Variants in PTGS2 observed in about 807,000 individuals in gnomAD.
PTGS2 encodes the protein prostaglandin-endoperoxide synthase 2, also known as prostaglandin G/H synthase 2.
A neutral mutation model predicts 63.8 loss-of-function variants in PTGS2; 14 were observed. That is an observed-to-expected ratio of 0.22 (90% CI 0.14 to 0.34). The LOEUF (loss-of-function observed/expected upper bound fraction) is 0.34. Among genes scored for constraint, PTGS2 ranks in the 10% least tolerant of loss-of-function variants. PTGS2 has a pLI of 1.00. For synonymous variants in PTGS2, 271 were observed against 259.5 expected (o/e 1.04, Z -0.43); for missense variants, 533 against 738.5 (o/e 0.72, Z 3.23).
Position 186,674,624 on chromosome 1 carries a change from A to T in PTGS2, c.1544T>A (p.Phe515Tyr). ...ATTACCCATAAGTCCTTTCAAGGAG[A>T]ATGGTGCTCCAACTTCTACCATGGT... ...GETMVEVGAP[F>Y]SLKGLMGNVI... is the part of the protein sequence containing the mutation. Residue 515 changes from phenylalanine to tyrosine, a missense_variant, in exon 10 of 10, where the codon TTC becomes TAC. Around this residue, in one of 5 missense-constraint regions of PTGS2, gnomAD observed 219 missense variants for 267.4 expected, o/e 0.82. Coordinates refer to ENST00000367468, the MANE Select transcript of PTGS2 (RefSeq NM_000963.4). 6.2e-7 allele frequency: 1 copy of T among 1,614,186 alleles called. No individual in the cohort carries two copies. Among genetic ancestry groups the T allele is most frequent in the Non-Finnish European group, 8.5e-7 (1 of 1,180,030 alleles).
chr1:186,676,199 T>C lies in PTGS2; in HGVS notation c.971-15A>G. 2.5e-6 allele frequency: 4 copies of C among 1,570,648 alleles called. No homozygotes were observed. The highest frequency in any genetic ancestry group is 1.2e-5 in the South Asian group (1 of 85,268). On this transcript the variant is annotated splice_polypyrimidine_tract_variant and intron_variant, in intron 7 of 9. Coordinates refer to ENST00000367468, the MANE Select transcript of PTGS2 (RefSeq NM_000963.4). The stretch of plus-strand genomic sequence containing the variant: ...AATAGTCTCTCCTATTTGCACAAAA[T>C]AAATAATAAAAACATTTATTGCATC...
rs1431028196 is a variant in PTGS2, at chr1:186,673,767, C to G, written c.*586G>C. 1 of 152,146 alleles carries G rather than the reference C, an allele frequency of 6.6e-6. No homozygotes were observed. The highest frequency in any genetic ancestry group is 1.5e-5 in the Non-Finnish European group (1 of 67,992). The allele number at this position is 152,146 out of a possible 1,614,324, so 9.4% of individuals were successfully genotyped here. On this transcript the variant is annotated 3_prime_UTR_variant, in exon 10 of 10. Coordinates refer to ENST00000367468, the MANE Select transcript of PTGS2 (RefSeq NM_000963.4). Reference sequence around the variant, plus strand: ...AGTTTAATAACTTTAAGAAATCAAACAAGCTTTTACAGGTGATTCTACCCT... The same window carrying G: ...AGTTTAATAACTTTAAGAAATCAAAGAAGCTTTTACAGGTGATTCTACCCT...
chr1:186,677,232 C>T (rs1489478451), intron 5 of PTGS2, among the ~76,000 whole-genome samples: 7 of 152,008 alleles, frequency 4.6e-5, no homozygotes, highest in African/African-American at 1.4e-4. Context: ...AAAATTCTTA[C>T]GAATAACTTG....
At position 186,677,652 on chromosome 1, in the gene PTGS2, A is replaced by G. The variant is rs140664948; in HGVS notation, c.636T>C (p.His212=). 1.7e-4 allele frequency: 279 copies of G among 1,607,636 alleles called. 1 individual carries two copies. The East Asian group carries it at 5.4e-3, about 31-fold the overall frequency. Residue 212 remains histidine, a synonymous_variant, in exon 5 of 10, where the codon CAT becomes CAC. Coordinates refer to ENST00000367468, the MANE Select transcript of PTGS2 (RefSeq NM_000963.4). ...TAAGATATTAACTCTATCTTACCCC[A>G]TGGCCCAGCCCGTTGGTGAAAGCTG... ...RGPAFTNGLG[H]GVDLNHIYGE...
rs201730487 is a variant in PTGS2, at chr1:186,674,487, A to T, written c.1681T>A (p.Cys561Ser). The T allele has an allele frequency of 1.9e-6, 3 of 1,614,236 alleles. No individual in the cohort carries two copies. The change falls in exon 10 of 10, where the codon TGT becomes AGT. Residue 561 changes from cysteine (C) to serine (S), a missense_variant. Transcript: ENST00000367468. ...GGAACACTGAATGAAGTAAAGGGAC[A>T]GCCCTTCACGTTATTGCAGATGAGA... ...QSLICNNVKG[C>S]PFTSFSVPDP...
At position 186,674,799 on chromosome 1, in the gene PTGS2, C is replaced by A; in HGVS notation, c.1406-37G>T. On this transcript the variant is annotated intron_variant, in intron 9 of 9. Coordinates refer to ENST00000367468, the MANE Select transcript of PTGS2 (RefSeq NM_000963.4). ...ATGAAGACAGAGATACAACCAATGT[C>A]AAACTTCACAAAATAAAAAACAGTT... The A allele has an allele frequency of 2.0e-6, 3 of 1,536,486 alleles. No homozygotes were observed. The South Asian group carries it at 3.8e-5, about 19-fold the overall frequency.
Position 186,676,941 on chromosome 1 carries a change from A to T in PTGS2, c.640-25T>A, listed in dbSNP as rs778787385. ...CCTAGAAAATGATGAAAAAATTTTA[A>T]TTTGTTGCTGTTGAAGTTTTTCTTA... On this transcript the variant is annotated intron_variant, in intron 5 of 9. Coordinates refer to ENST00000367468, the MANE Select transcript of PTGS2 (RefSeq NM_000963.4). 4 of 1,571,474 alleles carry T rather than the reference A, an allele frequency of 2.5e-6. No individual in the cohort carries two copies. In the Admixed American group the frequency reaches 6.9e-5, roughly 27 times the overall value.
In PTGS2 at chr1:186,675,975, T is replaced by C. The variant is rs1456144285; in HGVS notation, c.1180A>G (p.Ile394Val). Residue 394 changes from isoleucine to valine, a missense_variant, in exon 8 of 10, where the codon ATC becomes GTC. Ile to Val is a conservative substitution (Grantham distance 29, BLOSUM62 3). Transcript: ENST00000367468. ...HDQKYNYQQF[I>V]YNNSILLEHG... ...TCCAGCAATATAGAGTTGTTGTAGATAAACTGTTGATAGTTGTATTTCTGG... is the reference window on the plus strand; with the variant it reads ...TCCAGCAATATAGAGTTGTTGTAGACAAACTGTTGATAGTTGTATTTCTGG... 5.6e-6 allele frequency: 9 copies of C among 1,613,938 alleles called. No individual in the cohort carries two copies. The highest frequency in any genetic ancestry group is 7.6e-6 in the Non-Finnish European group (9 of 1,179,936).
chr1:186,675,005 C>T (rs11567827), intron 9 of PTGS2, among the ~76,000 whole-genome samples: 2,108 of 152,230 alleles, frequency 0.014, 47 homozygotes, highest in African/African-American at 0.048. Flanking sequence ...GGTGAAACCC[C>T]GTCTATACTG....
At position 186,674,313 on chromosome 1, in the gene PTGS2, A is replaced by G. The variant is rs1665741165; in HGVS notation, c.*40T>C. 1 of 1,246,572 alleles carries G rather than the reference A, an allele frequency of 8.0e-7. No homozygotes were observed. The highest frequency in any genetic ancestry group is 1.1e-6 in the Non-Finnish European group (1 of 935,542). The allele number at this position is 1,246,572 out of a possible 1,614,324, so 77.2% of individuals were successfully genotyped here. On this transcript the variant is annotated 3_prime_UTR_variant, in exon 10 of 10. Coordinates refer to ENST00000367468, the MANE Select transcript of PTGS2 (RefSeq NM_000963.4). ...TATTATTAAATAATTAAATTAATAG[A>G]CATGGTTCATATAAATAAATAAATA...
chr1:186,677,534 T>TA (rs1226300918), intron 5 of PTGS2, 115 bp downstream of exon 5: 12 of 1,150,978 alleles, frequency 1.0e-5, no homozygotes, highest in African/African-American at 3.2e-5. Context: ...GACTTCTTTT[T>TA]AAAAAAAGTG....
rs1157756706 is a variant in PTGS2, at chr1:186,678,304, A to T, written c.414T>A (p.Leu138=). Residue 138 remains leucine (L), a synonymous_variant, in exon 4 of 10, where the codon CTT becomes CTA. Transcript: ENST00000367468. ...TCGGGCAATCATCAGGCACAGGAGG[A>T]AGGGCTCTAGTATAATAGGAGAGGT... ...FSNLSYYTRA[L]PPVPDDCPTP... 2 of 1,612,788 alleles carry T rather than the reference A, an allele frequency of 1.2e-6. No homozygotes were observed. Among genetic ancestry groups the T allele is most frequent in the Non-Finnish European group, 1.7e-6 (2 of 1,179,350 alleles).
chr1:186,676,649 G>A lies in PTGS2; in HGVS notation c.788C>T (p.Pro263Leu). 1 of 1,614,090 alleles carries A rather than the reference G, an allele frequency of 6.2e-7. No individual in the cohort carries two copies. Among genetic ancestry groups the A allele is most frequent in the East Asian group, 2.2e-5 (1 of 44,878 alleles). Residue 263 changes from proline to leucine, a missense_variant, in exon 7 of 10, where the codon CCT becomes CTT. Coordinates refer to ENST00000367468, the MANE Select transcript of PTGS2 (RefSeq NM_000963.4). ...AAACCGTAGATGCTCAGGGACTTGA[G>A]GAGGGTAGATCATCTCTGCCTGAGT... ...KDTQAEMIYP[P>L]QVPEHLRFAV...
intron 7 of PTGS2, 87 bp from the exon 8 acceptor site, chr1:186,676,271 T>C (rs1486981325): frequency 1.4e-6 from 2 of 1,406,618 alleles, no homozygotes; most frequent in Non-Finnish European, 1.9e-6. Flanking sequence ...TAAAATTTGC[T>C]ATTCCTTCAT....
chr1:186,677,134 A>C (rs929831001), intron 5 of PTGS2, among the ~76,000 whole-genome samples: 17 of 152,294 alleles, frequency 1.1e-4, no homozygotes, highest in South Asian at 6.2e-4. Flanking sequence ...GAATTAATAT[A>C]CTATATTGAG....
In PTGS2 at chr1:186,679,025, G is replaced by A. The variant is rs2066823; in HGVS notation, c.313+33C>T. On this transcript the variant is annotated intron_variant, in intron 3 of 9. Transcript: ENST00000367468. ...TATAAAGCATATTTTTCTTTGAGAA[G>A]GCTAAAAACCTTAGAAAGACACTTG... 457 of 1,593,158 alleles carry A rather than the reference G, an allele frequency of 2.9e-4. 4 individuals carry two copies. The East Asian group carries it at 9.8e-3, about 34-fold the overall frequency.
intron 2 of PTGS2, 27 bp from the exon 3 acceptor site, chr1:186,679,228 A>G: frequency 6.2e-7 from 1 of 1,612,958 alleles, no homozygotes; most frequent in Non-Finnish European, 8.5e-7. Flanking sequence ...AAAGGGAGGG[A>G]GAAATTAATG....
chr1:186,677,559 A>T, intron 5 of PTGS2, 90 bp downstream of exon 5: 1 of 1,246,788 alleles, frequency 8.0e-7, no homozygotes, highest in Non-Finnish European at 1.1e-6. Context: ...AGTTATTTGG[A>T]TCTATCTATC....
At chr1:186,675,153 G>T in intron 9 of PTGS2, 96 bp downstream of exon 9, 1 of 1,498,468 alleles carries the variant, frequency 6.7e-7, no homozygotes, top group Non-Finnish European at 9.1e-7. Context: ...CTCCAGCCTG[G>T]GTGACAGAGG....
Sources: gnomAD v4.1 joint callset for allele counts (sites outside exome capture counted in the v4.1 genomes callset) on GRCh38, gnomAD v4.1.1 for gene constraint, gnomAD v4.1.1 regional missense constraint, MANE v1.5 for transcripts, NCBI Gene and HGNC (gene_info 2026-07-23, HGNC 2026-07-21) for gene names.